Variants in TRPM5 observed in about 807,000 individuals in gnomAD.
The protein encoded by TRPM5 is transient receptor potential cation channel subfamily M member 5.
In TRPM5, 121 loss-of-function variants were observed where a neutral mutation model predicts 124.9. That is an observed-to-expected ratio of 0.97 (90% CI 0.84 to 1.13). TRPM5 has a LOEUF of 1.13. TRPM5 is among the 50% of genes most tolerant of loss of function. The pLI is 0.00. For synonymous variants in TRPM5, 781 were observed against 700.5 expected (o/e 1.11, Z -1.81); for missense variants, 1,643 against 1,589.1 (o/e 1.03, Z -0.58).
rs375787365 is a variant in TRPM5, at chr11:2,418,400, C to T, written c.715-42G>A. 6.2e-5 allele frequency: 95 copies of T among 1,530,114 alleles called. 1 individual carries two copies. Among genetic ancestry groups the T allele is most frequent in the African/African-American group, 8.3e-5 (6 of 72,444 alleles). The allele number at this position is 1,530,114 out of a possible 1,614,324, so 94.8% of individuals were successfully genotyped here. A position where few individuals can be genotyped will look rare whatever the true frequency, so the allele number is the denominator to read the frequency against. ...GGGGAGAGCGGACCCCAGATTAGCCCGACGACATCTGGATGCAGGTGTCAG... is the reference window on the plus strand; with the variant it reads ...GGGGAGAGCGGACCCCAGATTAGCCTGACGACATCTGGATGCAGGTGTCAG... On this transcript the variant is annotated intron_variant, in intron 5 of 23. Transcript: ENST00000155858.
chr11:2,406,935 T>G (rs2133498773), intron 20 of TRPM5, 142 bp from the exon 26 acceptor site: 1 of 1,380,064 alleles, frequency 7.2e-7, no homozygotes, highest in East Asian at 2.4e-5. Context: ...CATGGCCCTG[T>G]GCAAGGACGG....
the TRPM5 span, among the ~76,000 whole-genome samples, chr11:2,429,281 ATAG>A: frequency 8.9e-3 from 1,315 of 148,254 alleles, 33 homozygotes; most frequent in African/African-American, 0.031. This position sits in a 1 kb window ranked among gnomAD's most constrained non-coding sequence, Gnocchi z 8.4. Flanking sequence ...GGTGATGATG[ATAG>A]TGGTGGTGGT....
chr11:2,424,071 C>T (rs1178916979), upstream of TRPM5, among the ~76,000 whole-genome samples: 1 of 152,246 alleles, frequency 6.6e-6, no homozygotes, highest in African/African-American at 2.4e-5. Context: ...GGGCCCCCAG[C>T]CACCCTACCC....
exon 2 of TRPM5, chr11:2,422,196 C>T: frequency 8.7e-6 from 14 of 1,612,366 alleles, no homozygotes; most frequent in Non-Finnish European, 1.0e-5. Flanking sequence ...GCAGCCAGGA[C>T]TTCATGGCGA....
the TRPM5 span, among the ~76,000 whole-genome samples, chr11:2,432,499 G>A: frequency 5.2e-4 from 79 of 152,296 alleles, no homozygotes; most frequent in African/African-American, 1.8e-3. Flanking sequence ...GCGAGGCTGG[G>A]CCCACAGGCT....
exon 9 of TRPM5, chr11:2,415,451 C>A: frequency 6.3e-7 from 1 of 1,578,998 alleles, no homozygotes. Flanking sequence ...CGTCCACCAT[C>A]ACCTCCTCCA....
the TRPM5 span, among the ~76,000 whole-genome samples, chr11:2,439,605 G>A: frequency 1.3e-5 from 2 of 152,206 alleles, no homozygotes; most frequent in Non-Finnish European, 2.9e-5. Context: ...TTAGAGAAAT[G>A]CAAATCAAAA....
chr11:2,409,524 T>C (rs1011453054), intron 18 of TRPM5, among the ~76,000 whole-genome samples: 1 of 152,040 alleles, frequency 6.6e-6, no homozygotes, highest in East Asian at 1.9e-4. Context: ...TCGGCACGAG[T>C]GCAGAGTGGG....
chr11:2,423,182 C>A, upstream of TRPM5: 1 of 659,816 alleles, frequency 1.5e-6, no homozygotes, highest in East Asian at 2.7e-5. Context: ...GGGGACTGCC[C>A]CCAGGCATCT....
exon 15 of TRPM5, chr11:2,412,948 G>A (rs200948110): frequency 2.5e-6 from 4 of 1,605,440 alleles, no homozygotes; most frequent in East Asian, 2.2e-5. Flanking sequence ...CAGCGTGTGA[G>A]CAGGAAGACA....
the TRPM5 span, among the ~76,000 whole-genome samples, chr11:2,429,436 A>G: frequency 2.7e-5 from 4 of 148,924 alleles, no homozygotes; most frequent in East Asian, 8.0e-4. This position sits in a 1 kb window ranked among gnomAD's most constrained non-coding sequence, Gnocchi z 8.4. Flanking sequence ...AGTGTTAATA[A>G]TTGTGGTGAT....
intron 16 of TRPM5, 77 bp downstream of exon 21, chr11:2,412,058 A>T: frequency 7.7e-7 from 1 of 1,299,958 alleles, no homozygotes; most frequent in Non-Finnish European, 1.1e-6. Context: ...CCACCGCCAC[A>T]CCCAACCTGA....
At chr11:2,421,002 C>T (rs760496079) in intron 3 of TRPM5, 30 bp downstream of exon 8, 37 of 1,516,318 alleles carry the variant, frequency 2.4e-5, no homozygotes, top group South Asian at 4.9e-5. Context: ...AGGCCCCCAG[C>T]GGTCGTGGTG....
the TRPM5 span, among the ~76,000 whole-genome samples, chr11:2,428,877 TG>T: frequency 6.1e-5 from 9 of 147,118 alleles, no homozygotes; most frequent in African/African-American, 2.3e-4. The surrounding 1 kb of genome is among the most constrained non-coding windows in gnomAD (Gnocchi z 4.0). Context: ...GTGGTAGTGA[TG>T]GTGGTCATGA....
chr11:2,422,045 G>A, intron 2 of TRPM5, 96 bp downstream of exon 7: 1 of 1,381,138 alleles, frequency 7.2e-7, no homozygotes, highest in Non-Finnish European at 9.7e-7. Flanking sequence ...CTGCCCTGTG[G>A]GGTGGGAGCA....
At chr11:2,406,789 T>C (rs895017735) in exon 21 of TRPM5, 9 of 1,610,666 alleles carry the variant, frequency 5.6e-6, no homozygotes, top group African/African-American at 1.3e-5. Context: ...CTGGCAGGTC[T>C]CTCTCTGGGA....
chr11:2,425,315 C>T (rs968005544), upstream of TRPM5, among the ~76,000 whole-genome samples: 1 of 152,176 alleles, frequency 6.6e-6, no homozygotes, highest in Non-Finnish European at 1.5e-5. Context: ...GGGTCCTTCC[C>T]ACCCTTTCCA....
chr11:2,411,810 G>C (rs1445790931), intron 16 of TRPM5, 43 bp from the exon 22 acceptor site: 2 of 1,607,684 alleles, frequency 1.2e-6, no homozygotes, highest in East Asian at 4.5e-5. Context: ...CCCAGAGAGG[G>C]GCAGAGGCTT....
At chr11:2,412,612 T>C (rs1204090707) in intron 15 of TRPM5, 142 bp downstream of exon 20, 1 of 940,010 alleles carries the variant, frequency 1.1e-6, no homozygotes, top group Non-Finnish European at 1.6e-6. Flanking sequence ...TCATGGCCGC[T>C]GGTGACTGGG....
Sources: gnomAD v4.1 joint callset for allele counts (sites outside exome capture counted in the v4.1 genomes callset) on GRCh38, gnomAD v4.1.1 for gene constraint, Gnocchi (gnomAD v3.1) non-coding constraint, MANE v1.5 for transcripts, NCBI Gene and HGNC (gene_info 2026-07-23, HGNC 2026-07-21) for gene names.